Variants in DMD observed in about 807,000 individuals in gnomAD.
DMD encodes the protein dystrophin.
A neutral mutation model predicts 330.1 loss-of-function variants in DMD; 63 were observed. That is an observed-to-expected ratio of 0.19 (90% CI 0.16 to 0.24). The LOEUF (loss-of-function observed/expected upper bound fraction) is 0.24, where lower values mean the gene tolerates loss of function less well. Ranked by LOEUF, DMD falls within the 10% of genes least tolerant of loss-of-function variation. The pLI is 1.00. For missense variants in DMD, 3,344 were observed against 2,684.1 expected, an observed-to-expected ratio of 1.25 and a Z score of -5.43; for synonymous variants, 1,223 against 959.8, an observed-to-expected ratio of 1.27 and a Z score of -5.07.
At chrX:33,093,768 T>C (rs1311390868) in intron 1 of DMD, among the ~76,000 whole-genome samples, 2 of 111,509 alleles carry the variant, frequency 1.8e-5, no homozygotes, top group African/African-American at 6.5e-5. Context: ...ATGTTGGCTA[T>C]GGAAAAGTAC....
intron 60 of DMD, among the ~76,000 whole-genome samples, chrX:31,422,189 T>C (rs1334095749): frequency 9.2e-6 from 1 of 108,520 alleles, no homozygotes; most frequent in African/African-American, 3.4e-5. Flanking sequence ...TTTGTATTTT[T>C]AGTAGAGACG....
chrX:32,836,564 C>A, intron 4 of DMD, among the ~76,000 whole-genome samples: 1 of 110,660 alleles, frequency 9.0e-6, no homozygotes, highest in Middle Eastern at 4.7e-3. Flanking sequence ...TCCTGCTTTC[C>A]TTAAAGCATT....
chrX:31,622,424 T>G (rs1359081889), intron 55 of DMD, among the ~76,000 whole-genome samples: 1 of 111,636 alleles, frequency 9.0e-6, no homozygotes, highest in Non-Finnish European at 1.9e-5. Flanking sequence ...CTAATTTCAT[T>G]CATTTCTATC....
At chrX:31,930,872 G>T in intron 46 of DMD, among the ~76,000 whole-genome samples, 1 of 112,436 alleles carries the variant, frequency 8.9e-6, no homozygotes, top group Middle Eastern at 4.6e-3. Context: ...TGAGTTCATT[G>T]TTCTAGGGTA....
intron 1 of DMD, among the ~76,000 whole-genome samples, chrX:33,122,740 C>T (rs1170020490): frequency 9.0e-6 from 1 of 111,725 alleles, no homozygotes; most frequent in African/African-American, 3.2e-5. Flanking sequence ...CTGCTTTGGA[C>T]AAATTTAGAG....
intron 60 of DMD, among the ~76,000 whole-genome samples, chrX:31,422,567 T>C (rs1033312870): frequency 1.7e-4 from 19 of 111,922 alleles, no homozygotes; most frequent in Non-Finnish European, 3.6e-4. Context: ...ATGGTTAAAT[T>C]GTAAAATAAA....
chrX:32,252,647 TAA>T (rs2097268951), intron 43 of DMD, among the ~76,000 whole-genome samples: 2 of 73,865 alleles, frequency 2.7e-5, no homozygotes, highest in East Asian at 1.5e-3. Flanking sequence ...TAAATATATA[TAA>T]ATACAAATAT....
chrX:32,949,375 TAGATAGATAGATAGATAGAC>T (rs1178748020), intron 2 of DMD, among the ~76,000 whole-genome samples: 5 of 97,468 alleles, frequency 5.1e-5, no homozygotes, highest in African/African-American at 1.2e-4. Context: ...GATAGATAGA[TAGATAGATAGATAGATAGAC>T]AGACAGACAG....
intron 7 of DMD, among the ~76,000 whole-genome samples, chrX:32,735,302 G>T (rs1042095673): frequency 7.2e-5 from 8 of 110,435 alleles, no homozygotes; most frequent in African/African-American, 2.7e-4. Context: ...CATGCTCATG[G>T]GTAGGAAGAA....
At chrX:32,700,338 T>C (rs1219770184) in intron 7 of DMD, among the ~76,000 whole-genome samples, 1 of 111,237 alleles carries the variant, frequency 9.0e-6, no homozygotes, top group Non-Finnish European at 1.9e-5. Flanking sequence ...CCACATGATC[T>C]CACTAACACA....
At chrX:32,529,079 G>A (rs2047208715) in intron 17 of DMD, among the ~76,000 whole-genome samples, 1 of 106,267 alleles carries the variant, frequency 9.4e-6, no homozygotes, top group Non-Finnish European at 1.9e-5. Flanking sequence ...CTGCCGCCAC[G>A]TCTGGCTAAT....
chrX:32,737,279 T>A lies in DMD; in HGVS notation c.650-37986A>T, dbSNP rs774395507. Among the ~76,000 whole-genome samples the A allele has an allele frequency of 2.7e-5, 3 of 111,532 alleles. No individual in the cohort carries two copies. The East Asian group carries it at 8.4e-4, about 31-fold the overall frequency. ...ATATCTTTTCTTATTTACATCCAGA[T>A]TTCAAACTCCATTTTACCTTGAACA... On this transcript the variant is annotated intron_variant, in intron 7 of 78. Transcript: ENST00000357033.
In DMD at chrX:32,196,842, G is replaced by A. The variant is rs182143348; in HGVS notation, c.6438+20074C>T. Reference sequence around the variant, plus strand: ...CTACTAAAAATACAAAAAAATTAGCGGGGCGTGGTAGCCAGCGCCTGTAGT... The same window carrying A: ...CTACTAAAAATACAAAAAAATTAGCAGGGCGTGGTAGCCAGCGCCTGTAGT... On this transcript the variant is annotated intron_variant, in intron 44 of 78. Coordinates refer to ENST00000357033, the MANE Select transcript of DMD (RefSeq NM_004006.3). Among the ~76,000 whole-genome samples, 362 of 108,772 alleles carry A rather than the reference G, an allele frequency of 3.3e-3. 1 individual carries two copies. Among genetic ancestry groups the A allele is most frequent in the African/African-American group, 0.012 (355 of 29,853 alleles). The allele number at this position is 108,772 out of a possible 115,157, so 94.5% of individuals were successfully genotyped here. A position where few individuals can be genotyped will look rare whatever the true frequency, so the allele number is the denominator to read the frequency against.
At position 31,993,126 on chromosome X, in the gene DMD, T is replaced by G; in HGVS notation, c.6439-24612A>C. ...AATAAATTACCCTATAAAACTTCCA[T>G]TCAAAATTTAATATGGTACAGGTTG... On this transcript the variant is annotated intron_variant, in intron 44 of 78. Coordinates refer to ENST00000357033, the MANE Select transcript of DMD (RefSeq NM_004006.3). Among the ~76,000 whole-genome samples, 2 of 111,468 alleles carry G rather than the reference T, an allele frequency of 1.8e-5. 1 individual carries two copies. The highest frequency in any genetic ancestry group is 9.2e-3 in the Middle Eastern group (2 of 217).
intron 52 of DMD, among the ~76,000 whole-genome samples, chrX:31,708,740 TA>T (rs2084386108): frequency 8.9e-6 from 1 of 112,182 alleles, no homozygotes; most frequent in Non-Finnish European, 1.9e-5. Flanking sequence ...TTTAGATTAT[TA>T]ATCACTTTCC....
At chrX:31,883,695 T>C (rs1179748077) in intron 47 of DMD, among the ~76,000 whole-genome samples, 2 of 111,356 alleles carry the variant, frequency 1.8e-5, no homozygotes, top group African/African-American at 3.3e-5. Context: ...ATATGTTGCG[T>C]CCATTAAAGT....
At chrX:33,006,416 T>G (rs956252270) in intron 2 of DMD, among the ~76,000 whole-genome samples, 5 of 111,957 alleles carry the variant, frequency 4.5e-5, no homozygotes, top group African/African-American at 1.6e-4. Flanking sequence ...TAGAACAGAA[T>G]AGTGTGGAAA....
chrX:31,201,199 GCACACACACACA>G (rs1207889434), intron 67 of DMD, among the ~76,000 whole-genome samples: 1 of 39,280 alleles, frequency 2.5e-5, no homozygotes, highest in Admixed American at 2.8e-4. Context: ...ACACACACAC[GCACACACACACA>G]CATACACCAA....
At chrX:31,791,389 T>A (rs759073513) in intron 50 of DMD, among the ~76,000 whole-genome samples, 52 of 112,117 alleles carry the variant, frequency 4.6e-4, no homozygotes, top group Non-Finnish European at 8.1e-4. Flanking sequence ...TCAGAACTAG[T>A]GTGCTTGAAT....
Sources: allele counts gnomAD v4.1 joint callset (sites outside exome capture counted in the v4.1 genomes callset), GRCh38; gene constraint gnomAD v4.1.1; transcripts MANE v1.5; gene names NCBI Gene and HGNC (gene_info 2026-07-23, HGNC 2026-07-21).